Variants in ERC1 observed in about 807,000 individuals in gnomAD.
ERC1 encodes the protein RAB6 interacting protein 2.
ERC1 carries 56 observed loss-of-function variants against 132.0 expected under a neutral mutation model. The ratio of observed to expected loss-of-function variants is 0.42; its 90% CI spans 0.34 to 0.53. ERC1 has a LOEUF of 0.53. Ranked by LOEUF, ERC1 falls within the 20% of genes least tolerant of loss-of-function variation. ERC1 has a pLI of 0.03. For missense variants in ERC1, 1,202 were observed against 1,349.9 expected (o/e 0.89, Z 1.72); for synonymous variants, 478 against 476.1 (o/e 1.00, Z -0.05).
chr12:1,284,465 T>A (rs1399566958), intron 14 of ERC1, among the ~76,000 whole-genome samples: 1 of 152,168 alleles, frequency 6.6e-6, no homozygotes, highest in South Asian at 2.1e-4. Flanking sequence ...AGTAGTGGGA[T>A]TGCTGGATCA....
intron 18 of ERC1, among the ~76,000 whole-genome samples, chr12:1,477,378 C>T (rs1049305946): frequency 4.6e-5 from 7 of 152,140 alleles, no homozygotes; most frequent in Non-Finnish European, 8.8e-5. Context: ...ACACATTTCG[C>T]TAAGCAGAGG....
At chr12:1,292,232 T>C (rs1293572611) in intron 15 of ERC1, among the ~76,000 whole-genome samples, 1 of 152,182 alleles carries the variant, frequency 6.6e-6, no homozygotes, top group African/African-American at 2.4e-5. Context: ...TGAATTTGAC[T>C]GCCCTGACAA....
At chr12:1,141,532 T>A in intron 7 of ERC1, 88 bp from the exon 8 acceptor site, 3 of 1,102,714 alleles carry the variant, frequency 2.7e-6, no homozygotes, top group Non-Finnish European at 3.7e-6. Context: ...AAACTCAACC[T>A]CTTTATAACC....
chr12:1,077,037 G>T (rs17694270), intron 2 of ERC1, among the ~76,000 whole-genome samples: 2 of 152,036 alleles, frequency 1.3e-5, no homozygotes, highest in Non-Finnish European at 2.9e-5. Flanking sequence ...ACTCTTTTGC[G>T]TGTTACATTA....
chr12:1,442,944 A>G (rs1196268055), intron 17 of ERC1, among the ~76,000 whole-genome samples: 2 of 152,050 alleles, frequency 1.3e-5, no homozygotes, highest in African/African-American at 2.4e-5. Flanking sequence ...GTCTCGCTCT[A>G]TCGCTCAGGC....
In ERC1 at chr12:1,418,153, C is replaced by T. The variant is rs73026496; in HGVS notation, c.3024+9906C>T. 2.6e-5 allele frequency among the ~76,000 whole-genome samples: 4 copies of T among 152,148 alleles called. No homozygotes were observed. The East Asian group carries it at 5.8e-4, about 22-fold the overall frequency. ...CATAGCTAGAAGGATTTTTTAAAGA[C>T]GTTATTATGCCTTTGTGTTCATGCT... On this transcript the variant is annotated intron_variant, in intron 17 of 18. Transcript: ENST00000360905.
chr12:1,228,835 G>C (rs182041745), intron 12 of ERC1, among the ~76,000 whole-genome samples: 15 of 152,266 alleles, frequency 9.9e-5, no homozygotes, highest in African/African-American at 3.6e-4. Flanking sequence ...ATTAATTTGT[G>C]TATTTTGAAC....
chr12:1,077,844 TTCTTCTA>T (rs1941589294), intron 2 of ERC1, among the ~76,000 whole-genome samples: 1 of 152,196 alleles, frequency 6.6e-6, no homozygotes, highest in African/African-American at 2.4e-5. Context: ...GCTTTTTTCC[TTCTTCTA>T]AAGGAGTTGG....
intron 1 of ERC1, among the ~76,000 whole-genome samples, chr12:1,003,773 T>C (rs1301838688): frequency 6.6e-6 from 1 of 152,192 alleles, no homozygotes; most frequent in Admixed American, 6.5e-5. Flanking sequence ...AGTTTATCTG[T>C]TACATAGTCG....
intron 12 of ERC1, among the ~76,000 whole-genome samples, chr12:1,206,503 CCT>C (rs1358129384): frequency 6.6e-6 from 1 of 152,084 alleles, no homozygotes. Flanking sequence ...GCCCTGCTCT[CCT>C]CTGTCTTCCT....
chr12:1,339,925 G>A (rs2083670535), intron 15 of ERC1, among the ~76,000 whole-genome samples: 1 of 152,124 alleles, frequency 6.6e-6, no homozygotes, highest in Non-Finnish European at 1.5e-5. Context: ...CAGGTGGTAG[G>A]GTGCACACAC....
chr12:1,196,976 ATTTTTTTTTTT>A (rs1172269593), intron 12 of ERC1, among the ~76,000 whole-genome samples: 9 of 73,312 alleles, frequency 1.2e-4, no homozygotes, highest in East Asian at 4.6e-4. Context: ...ATATATATAT[ATTTTTTTTTTT>A]TTTTTTTTTT....
At chr12:1,470,342 G>T (rs777340546) in intron 18 of ERC1, among the ~76,000 whole-genome samples, 1 of 152,068 alleles carries the variant, frequency 6.6e-6, no homozygotes, top group Non-Finnish European at 1.5e-5. Flanking sequence ...ATCAGGCTTT[G>T]TGCTGGTTTA....
At chr12:1,196,287 C>T (rs1956221178) in intron 12 of ERC1, among the ~76,000 whole-genome samples, 1 of 152,132 alleles carries the variant, frequency 6.6e-6, no homozygotes, top group African/African-American at 2.4e-5. Context: ...GAACAGATCT[C>T]ACCCTTTCGT....
chr12:1,033,043 T>G (rs546935372), intron 2 of ERC1, among the ~76,000 whole-genome samples: 4 of 151,720 alleles, frequency 2.6e-5, no homozygotes, highest in Admixed American at 6.6e-5. Flanking sequence ...TGGCTAATTT[T>G]TTTTTTTTTT....
At chr12:1,407,244 G>T (rs568791776) in intron 16 of ERC1, among the ~76,000 whole-genome samples, 1 of 151,926 alleles carries the variant, frequency 6.6e-6, no homozygotes, top group African/African-American at 2.4e-5. Flanking sequence ...TTTAAGACTC[G>T]AATTGTTTAT....
In ERC1 at chr12:1,372,049, G is replaced by A. The variant is rs1478547569; in HGVS notation, c.2925+72G>A. The A allele has an allele frequency of 2.0e-6, 3 of 1,537,190 alleles. No individual in the cohort carries two copies. In the Admixed American group the frequency reaches 6.0e-5, roughly 31 times the overall value. On this transcript the variant is annotated intron_variant, in intron 16 of 18. Coordinates refer to ENST00000360905, the MANE Select transcript of ERC1 (RefSeq NM_178040.4). ...CCATTCTCCACACAGGTCTTTGCCAGCTTGTACTTTAAGGTCTCATGTTTC... is the reference window on the plus strand; with the variant it reads ...CCATTCTCCACACAGGTCTTTGCCAACTTGTACTTTAAGGTCTCATGTTTC...
intron 16 of ERC1, among the ~76,000 whole-genome samples, chr12:1,403,998 A>G (rs1463328354): frequency 6.6e-6 from 1 of 152,230 alleles, no homozygotes; most frequent in Non-Finnish European, 1.5e-5. Context: ...AGACTTTGTC[A>G]TGAAATACCA....
chr12:1,379,133 C>A (rs376502154), intron 16 of ERC1, among the ~76,000 whole-genome samples: 1 of 152,076 alleles, frequency 6.6e-6, no homozygotes, highest in East Asian at 1.9e-4. Context: ...ATAAAAGGAC[C>A]GTGCTAAGCT....
Sources: allele counts gnomAD v4.1 joint callset (sites outside exome capture counted in the v4.1 genomes callset), GRCh38; gene constraint gnomAD v4.1.1; transcripts MANE v1.5; gene names NCBI Gene and HGNC (gene_info 2026-07-23, HGNC 2026-07-21).